MLLT3: variants seen among roughly 807,000 people sequenced by gnomAD.
The protein encoded by MLLT3 is MLLT3 super elongation complex subunit.
A neutral mutation model predicts 53.2 loss-of-function variants in MLLT3; 4 were observed. The ratio of observed to expected loss-of-function variants is 0.08; its 90% confidence interval spans 0.04 to 0.17. The LOEUF is 0.17. Ranked by LOEUF, MLLT3 falls within the 10% of genes least tolerant of loss-of-function variation. MLLT3 has a pLI of 1.00. For missense variants in MLLT3, 569 were observed against 684.0 expected, an observed-to-expected ratio of 0.83 and a Z score of 1.87; for synonymous variants, 283 against 230.6, an observed-to-expected ratio of 1.23 and a Z score of -2.06.
At chr9:20,475,413 T>C (rs1000266127) in intron 2 of MLLT3, among the ~76,000 whole-genome samples, 3 of 152,100 alleles carry the variant, frequency 2.0e-5, no homozygotes, top group Admixed American at 6.6e-5. Flanking sequence ...TTTATCTTAA[T>C]GGTATAATTT....
intron 2 of MLLT3, among the ~76,000 whole-genome samples, chr9:20,517,654 T>C (rs780945763): frequency 2.6e-5 from 4 of 151,912 alleles, no homozygotes; most frequent in African/African-American, 4.8e-5. Flanking sequence ...CTGGCCAACA[T>C]GGTGAAACCT....
rs541671693 is a variant in MLLT3 at position 20,458,645 on chromosome 9, T to C, written c.194-1859A>G. 2.6e-5 allele frequency among the ~76,000 whole-genome samples: 4 copies of C among 152,268 alleles called. No homozygotes were observed. In the South Asian group the frequency reaches 8.3e-4, roughly 32 times the overall value. ...TCTATGTGAGGACATGGTGAGAAGA[T>C]AGCAGTCTGCAACTCTGAGGAGGGC... On this transcript the variant is annotated intron_variant, in intron 2 of 10. Transcript: ENST00000380338.
chr9:20,458,450 C>A (rs1490830054), intron 2 of MLLT3, among the ~76,000 whole-genome samples: 2 of 152,174 alleles, frequency 1.3e-5, no homozygotes, highest in Non-Finnish European at 2.9e-5. Context: ...CTCTTCTAGA[C>A]AATCTGAAGA....
chr9:20,489,607 C>T (rs1486494281), intron 2 of MLLT3, among the ~76,000 whole-genome samples: 1 of 152,114 alleles, frequency 6.6e-6, no homozygotes, highest in Non-Finnish European at 1.5e-5. Context: ...TATACTCAGC[C>T]ATCACAATAG....
At chr9:20,535,093 C>T (rs554695969) in intron 2 of MLLT3, among the ~76,000 whole-genome samples, 36 of 152,208 alleles carry the variant, frequency 2.4e-4, no homozygotes, top group African/African-American at 7.9e-4. Context: ...CTGTTAGGTA[C>T]GGGGCCACAC....
chr9:20,591,480 C>G (rs1820128452), intron 2 of MLLT3, among the ~76,000 whole-genome samples: 1 of 152,118 alleles, frequency 6.6e-6, no homozygotes, highest in Non-Finnish European at 1.5e-5. Flanking sequence ...AACTTATAAA[C>G]AGATATGTTA....
intron 2 of MLLT3, among the ~76,000 whole-genome samples, chr9:20,583,037 T>C (rs1819841635): frequency 6.6e-6 from 1 of 152,062 alleles, no homozygotes; most frequent in South Asian, 2.1e-4. Flanking sequence ...AAAAGGCAAG[T>C]CCCTTCTACC....
At chr9:20,390,989 T>C (rs1822164698) in intron 5 of MLLT3, among the ~76,000 whole-genome samples, 1 of 152,220 alleles carries the variant, frequency 6.6e-6, no homozygotes, top group Non-Finnish European at 1.5e-5. Flanking sequence ...GGGTGTGATT[T>C]ACATGCTTGC....
At chr9:20,521,134 G>A (rs527667632) in intron 2 of MLLT3, among the ~76,000 whole-genome samples, 37 of 151,682 alleles carry the variant, frequency 2.4e-4, no homozygotes, top group Admixed American at 7.9e-4. Context: ...CACAATGGGC[G>A]ATCTCGGCTC....
At chr9:20,485,529 A>G (rs1324503421) in intron 2 of MLLT3, among the ~76,000 whole-genome samples, 1 of 152,210 alleles carries the variant, frequency 6.6e-6, no homozygotes, top group Non-Finnish European at 1.5e-5. Flanking sequence ...ATTTACTATA[A>G]TATCACTACA....
At chr9:20,408,053 A>C (rs1280950312) in intron 5 of MLLT3, among the ~76,000 whole-genome samples, 1 of 152,248 alleles carries the variant, frequency 6.6e-6, no homozygotes, top group Non-Finnish European at 1.5e-5. Flanking sequence ...GAAGGCTCAC[A>C]GAATTTATTG....
intron 7 of MLLT3, 101 bp downstream of exon 7, chr9:20,363,375 C>T: frequency 1.4e-6 from 2 of 1,398,930 alleles, no homozygotes; most frequent in East Asian, 2.3e-5. Flanking sequence ...CCATCTACTG[C>T]CGTTTTTGGT....
intron 2 of MLLT3, among the ~76,000 whole-genome samples, chr9:20,458,659 T>G (rs542572777): frequency 2.0e-5 from 3 of 152,156 alleles, no homozygotes; most frequent in Non-Finnish European, 4.4e-5. Flanking sequence ...AGTCTGCAAC[T>G]CTGAGGAGGG....
chr9:20,577,769 A>G lies in MLLT3; in HGVS notation c.193+42885T>C, dbSNP rs570832817. ...TTAGTTTTCAGCTTCAAGGGAGAAG[A>G]GTGAACACACACACCATTTTGCCAG... On this transcript the variant is annotated intron_variant, in intron 2 of 10. Coordinates refer to ENST00000380338, the MANE Select transcript of MLLT3 (RefSeq NM_004529.4). 5.7e-4 allele frequency among the ~76,000 whole-genome samples: 87 copies of G among 152,332 alleles called. 1 individual carries two copies. The highest frequency in any genetic ancestry group is 3.4e-3 in the Middle Eastern group (1 of 294).
intron 2 of MLLT3, among the ~76,000 whole-genome samples, chr9:20,527,094 AAG>A (rs1818222024): frequency 6.6e-6 from 1 of 152,196 alleles, no homozygotes. Context: ...GGAAAAGACA[AAG>A]AACAGTGTAA....
intron 2 of MLLT3, among the ~76,000 whole-genome samples, chr9:20,490,073 G>T (rs1824910465): frequency 6.6e-6 from 1 of 152,152 alleles, no homozygotes; most frequent in Non-Finnish European, 1.5e-5. Context: ...TGATAAAGAT[G>T]TGATTTCTTT....
chr9:20,432,743 G>A (rs779962866), intron 4 of MLLT3, among the ~76,000 whole-genome samples: 20 of 152,016 alleles, frequency 1.3e-4, no homozygotes, highest in East Asian at 3.9e-4. Flanking sequence ...ACATATCGGC[G>A]TAAACAAACA....
intron 3 of MLLT3, among the ~76,000 whole-genome samples, chr9:20,455,618 T>G (rs16938065): frequency 0.032 from 4,838 of 152,260 alleles, 197 homozygotes; most frequent in East Asian, 0.17. Context: ...GACATTCTAT[T>G]TGCGTAGTTC....
chr9:20,607,783 T>C (rs1047055351), intron 2 of MLLT3, among the ~76,000 whole-genome samples: 3 of 152,054 alleles, frequency 2.0e-5, no homozygotes, highest in East Asian at 1.9e-4. Flanking sequence ...TATAAAATCA[T>C]GGACTTAATT....
Sources: allele counts gnomAD v4.1 joint callset (sites outside exome capture counted in the v4.1 genomes callset), GRCh38; gene constraint gnomAD v4.1.1; transcripts MANE v1.5; gene names NCBI Gene and HGNC (gene_info 2026-07-23, HGNC 2026-07-21).